The following CCDC91 variants were observed in gnomAD, a reference collection of about 807,000 sequenced individuals.
CCDC91 encodes coiled-coil domain containing 91.
In CCDC91, 48 loss-of-function variants were observed where a neutral mutation model predicts 63.2. The ratio of observed to expected loss-of-function variants is 0.76; its 90% CI spans 0.60 to 0.97. The LOEUF (loss-of-function observed/expected upper bound fraction) is 0.97. Ranked by LOEUF, CCDC91 falls within the 50% of genes least tolerant of loss-of-function variation. The pLI is 0.00. For missense variants in CCDC91, 500 were observed against 494.6 expected, an observed-to-expected ratio of 1.01 and a Z score of -0.10; for synonymous variants, 167 against 165.8, an observed-to-expected ratio of 1.01 and a Z score of -0.06.
intron 1 of CCDC91, among the ~76,000 whole-genome samples, chr12:28,201,563 G>C (rs9262684): frequency 7.8e-6 from 1 of 128,560 alleles, no homozygotes; most frequent in African/African-American, 2.9e-5. Flanking sequence ...CAGGCAGAGG[G>C]GCTCCTCACG....
At chr12:28,207,235 G>T (rs1456388528) in intron 1 of CCDC91, among the ~76,000 whole-genome samples, 1 of 151,984 alleles carries the variant, frequency 6.6e-6, no homozygotes, top group Admixed American at 6.6e-5. Context: ...TCACATCAAG[G>T]ATGCTGTCTT....
intron 12 of CCDC91, among the ~76,000 whole-genome samples, chr12:28,492,395 T>C (rs1191828240): frequency 6.6e-6 from 1 of 151,806 alleles, no homozygotes; most frequent in Non-Finnish European, 1.5e-5. Context: ...GTTATTTGAC[T>C]CTTATAATCT....
At chr12:28,441,638 ATC>A (rs1949218392) in intron 8 of CCDC91, among the ~76,000 whole-genome samples, 2 of 147,770 alleles carry the variant, frequency 1.4e-5, no homozygotes, top group South Asian at 2.1e-4. Flanking sequence ...GTGTATATAT[ATC>A]TCTCTCTCAT....
At chr12:28,239,624 C>T (rs1025566284) in intron 1 of CCDC91, among the ~76,000 whole-genome samples, 1 of 152,128 alleles carries the variant, frequency 6.6e-6, no homozygotes, top group Non-Finnish European at 1.5e-5. Flanking sequence ...TAAAGTGTAT[C>T]CAACATAAAC....
chr12:28,406,635 C>T (rs1420964010), intron 8 of CCDC91, among the ~76,000 whole-genome samples: 3 of 152,040 alleles, frequency 2.0e-5, no homozygotes, highest in Admixed American at 2.0e-4. Context: ...TGAAATCCAA[C>T]TCATCAATTT....
chr12:28,501,454 A>G (rs920394197), intron 12 of CCDC91, among the ~76,000 whole-genome samples: 3 of 152,004 alleles, frequency 2.0e-5, no homozygotes, highest in Admixed American at 6.6e-5. Flanking sequence ...TACTGCATCT[A>G]TTGACATAAT....
At chr12:28,532,453 A>G (rs1203341108) in intron 12 of CCDC91, among the ~76,000 whole-genome samples, 1 of 152,110 alleles carries the variant, frequency 6.6e-6, no homozygotes, top group East Asian at 1.9e-4. Flanking sequence ...AAATATCTAT[A>G]TATATTTCAG....
At chr12:28,436,675 A>G (rs1030882434) in intron 8 of CCDC91, among the ~76,000 whole-genome samples, 9 of 151,916 alleles carry the variant, frequency 5.9e-5, no homozygotes, top group Non-Finnish European at 1.3e-4. Flanking sequence ...TTCTAGCAAC[A>G]GATTATCTCA....
At chr12:28,505,526 C>A (rs547626688) in intron 12 of CCDC91, 15 of 151,990 alleles carry the variant, frequency 9.9e-5, no homozygotes, top group African/African-American at 3.6e-4. Context: ...GAAGTTAAAG[C>A]ATCTGTAAAG....
At chr12:28,267,892 TTA>T (rs1491207920) in intron 3 of CCDC91, among the ~76,000 whole-genome samples, 1 of 81,718 alleles carries the variant, frequency 1.2e-5, no homozygotes, top group African/African-American at 4.7e-5. Flanking sequence ...ATTATTATAA[TTA>T]TATATAATTA....
intron 1 of CCDC91, among the ~76,000 whole-genome samples, chr12:28,250,096 G>A (rs1236948272): frequency 2.0e-5 from 3 of 152,086 alleles, no homozygotes; most frequent in Non-Finnish European, 2.9e-5. Context: ...GGAAAAGATT[G>A]CTATTAAGGA....
intron 11 of CCDC91, among the ~76,000 whole-genome samples, chr12:28,474,681 T>C (rs1950991125): frequency 6.6e-6 from 1 of 152,076 alleles, no homozygotes; most frequent in African/African-American, 2.4e-5. Flanking sequence ...TAAGGCAAAT[T>C]CTTCATTCTC....
chr12:28,531,758 CATTT>C (rs1321488637), intron 12 of CCDC91, among the ~76,000 whole-genome samples: 7 of 152,098 alleles, frequency 4.6e-5, no homozygotes, highest in Admixed American at 3.9e-4. Flanking sequence ...ATTCAGCAAA[CATTT>C]AGTCAGCTGC....
intron 12 of CCDC91, among the ~76,000 whole-genome samples, chr12:28,499,561 T>C (rs1367643823): frequency 3.3e-5 from 5 of 151,974 alleles, no homozygotes; most frequent in Non-Finnish European, 5.9e-5. Context: ...TGTGTCCATG[T>C]GTTCTCATTG....
chr12:28,465,338 AT>A (rs1950500279), intron 11 of CCDC91, among the ~76,000 whole-genome samples: 1 of 152,172 alleles, frequency 6.6e-6, no homozygotes, highest in African/African-American at 2.4e-5. Context: ...CCACCTCCTA[AT>A]TGTAGAGCCC....
At chr12:28,298,641 A>G (rs1032949268) in intron 3 of CCDC91, among the ~76,000 whole-genome samples, 3 of 150,928 alleles carry the variant, frequency 2.0e-5, no homozygotes, top group African/African-American at 7.3e-5. Flanking sequence ...AACCAATTTC[A>G]TAATTTTTCT....
intron 1 of CCDC91, among the ~76,000 whole-genome samples, chr12:28,252,672 T>C (rs910029438): frequency 2.6e-5 from 4 of 152,106 alleles, no homozygotes; most frequent in African/African-American, 9.7e-5. Context: ...GAAGATACTA[T>C]GGTTTTGTTT....
At chr12:28,482,267 A>G (rs1372369237) in intron 11 of CCDC91, among the ~76,000 whole-genome samples, 1 of 147,450 alleles carries the variant, frequency 6.8e-6, no homozygotes, top group Non-Finnish European at 1.5e-5. Flanking sequence ...ATAAAAGCAG[A>G]TGCTGAATAG....
chr12:28,195,578 T>C (rs1468499071), intron 1 of CCDC91, among the ~76,000 whole-genome samples: 2 of 152,336 alleles, frequency 1.3e-5, no homozygotes, highest in East Asian at 1.9e-4. Flanking sequence ...CAGTCCTTAT[T>C]ATGGTAGCGT....
Sources: gnomAD v4.1 joint callset for allele counts (sites outside exome capture counted in the v4.1 genomes callset) on GRCh38, gnomAD v4.1.1 for gene constraint, MANE v1.5 for transcripts, NCBI Gene and HGNC (gene_info 2026-07-23, HGNC 2026-07-21) for gene names.